PCOLCE2: variants seen among roughly 807,000 people sequenced by gnomAD.
The protein encoded by PCOLCE2 is procollagen C-endopeptidase enhancer 2, also known as procollagen C-proteinase enhancer 2.
A neutral mutation model predicts 47.0 loss-of-function variants in PCOLCE2; 42 were observed. The ratio of observed to expected loss-of-function variants is 0.89; its 90% CI spans 0.70 to 1.16. The LOEUF is 1.16. Ranked by LOEUF, PCOLCE2 falls within the 50% of genes most tolerant of loss-of-function variation. PCOLCE2 has a pLI of 0.00. For synonymous variants in PCOLCE2, 169 were observed against 191.7 expected (o/e 0.88, Z 0.98); for missense variants, 500 against 526.1 (o/e 0.95, Z 0.49).
chr3:142,876,276 ATT>A lies in PCOLCE2; in HGVS notation c.192+11391_192+11392del, dbSNP rs764534678. Among the ~76,000 whole-genome samples, 3 of 152,336 alleles carry A rather than the reference ATT, an allele frequency of 2.0e-5. No individual in the cohort carries two copies. In the South Asian group the frequency reaches 6.2e-4, roughly 32 times the overall value. Reference sequence around the variant, plus strand: ...GTATAATATTTCATGAAGAAATAATATTTTTTGAGTATTTACCATTTGCTAGG... The same window carrying A: ...GTATAATATTTCATGAAGAAATAATATTTTGAGTATTTACCATTTGCTAGG... On this transcript the variant is annotated intron_variant, in intron 2 of 8. Coordinates refer to ENST00000295992, the MANE Select transcript of PCOLCE2 (RefSeq NM_013363.4).
At chr3:142,864,900 C>T (rs1477785195) in intron 2 of PCOLCE2, among the ~76,000 whole-genome samples, 1 of 152,170 alleles carries the variant, frequency 6.6e-6, no homozygotes, top group Non-Finnish European at 1.5e-5. Flanking sequence ...TCCATTTACC[C>T]TGTTGATGGG....
intron 2 of PCOLCE2, among the ~76,000 whole-genome samples, chr3:142,852,969 G>A (rs1932980245): frequency 6.6e-6 from 1 of 151,466 alleles, no homozygotes; most frequent in Admixed American, 6.6e-5. Flanking sequence ...AGCTGGATGT[G>A]GTGGTGCATG....
intron 4 of PCOLCE2, among the ~76,000 whole-genome samples, chr3:142,841,641 G>C (rs1937264976): frequency 6.6e-6 from 1 of 151,938 alleles, no homozygotes. Context: ...ATAAAACCAA[G>C]TTTTGGAATT....
At chr3:142,821,720 T>A (rs548117669) in intron 7 of PCOLCE2, among the ~76,000 whole-genome samples, 10 of 151,996 alleles carry the variant, frequency 6.6e-5, no homozygotes, top group Admixed American at 5.9e-4. Context: ...AAAAAACCTC[T>A]AGTAAAATTC....
chr3:142,834,302 T>C (rs946677674), intron 5 of PCOLCE2, among the ~76,000 whole-genome samples: 1 of 152,236 alleles, frequency 6.6e-6, no homozygotes, highest in Non-Finnish European at 1.5e-5. Flanking sequence ...TGCAATCCCA[T>C]GCACATTTTA....
chr3:142,881,567 C>T (rs1033311333), intron 2 of PCOLCE2, among the ~76,000 whole-genome samples: 19 of 152,114 alleles, frequency 1.2e-4, no homozygotes, highest in Admixed American at 7.9e-4. Flanking sequence ...CACCACACAC[C>T]TAGGCTATAT....
intron 2 of PCOLCE2, among the ~76,000 whole-genome samples, chr3:142,863,602 G>A (rs530411520): frequency 5.3e-5 from 8 of 152,126 alleles, no homozygotes; most frequent in Non-Finnish European, 8.8e-5. Flanking sequence ...CTCAAATAGC[G>A]CGTAAGAGAG....
intron 1 of PCOLCE2, 80 bp downstream of exon 1, chr3:142,888,734 T>G: frequency 8.3e-6 from 7 of 845,520 alleles, no homozygotes; most frequent in Non-Finnish European, 1.2e-5. Flanking sequence ...CCGAAGCGGG[T>G]TGAGTAAAGC....
chr3:142,841,125 A>T lies in PCOLCE2; in HGVS notation c.573+1799T>A, dbSNP rs79548779. On this transcript the variant is annotated intron_variant, in intron 4 of 8. Coordinates refer to ENST00000295992, the MANE Select transcript of PCOLCE2 (RefSeq NM_013363.4). ...CACAAAAACTTTTGCAGAGAAGATT[A>T]AAAAAAGTAAAGAAGAAGATAAAGG... is the stretch of plus-strand genomic sequence containing the variant. Among the ~76,000 whole-genome samples, 767 of 152,092 alleles carry T rather than the reference A, an allele frequency of 5.0e-3. 11 individuals are homozygous for T. Among genetic ancestry groups the T allele is most frequent in the African/African-American group, 0.017 (719 of 41,510 alleles).
At chr3:142,835,080 G>C (rs1049363878) in intron 5 of PCOLCE2, among the ~76,000 whole-genome samples, 6 of 149,954 alleles carry the variant, frequency 4.0e-5, no homozygotes, top group Non-Finnish European at 7.4e-5. Flanking sequence ...TTGTCTATTA[G>C]ACCAAGCCTG....
chr3:142,863,508 T>C (rs1055838602), intron 2 of PCOLCE2, among the ~76,000 whole-genome samples: 2 of 152,260 alleles, frequency 1.3e-5, no homozygotes, highest in South Asian at 2.1e-4. Flanking sequence ...AGATGGGACA[T>C]GGAAAAACTT....
intron 2 of PCOLCE2, among the ~76,000 whole-genome samples, chr3:142,853,639 C>T (rs550197925): frequency 1.2e-4 from 18 of 152,312 alleles, no homozygotes; most frequent in Admixed American, 1.2e-3. Flanking sequence ...TCCTACCTTG[C>T]CTGGCAGCAG....
In PCOLCE2 at chr3:142,870,557, G is replaced by A. The variant is rs544688758; in HGVS notation, c.192+17112C>T. Among the ~76,000 whole-genome samples the A allele has an allele frequency of 5.3e-5, 8 of 152,164 alleles. No individual in the cohort carries two copies. The East Asian group carries it at 7.7e-4, about 15-fold the overall frequency. On this transcript the variant is annotated intron_variant, in intron 2 of 8. Coordinates refer to ENST00000295992, the MANE Select transcript of PCOLCE2 (RefSeq NM_013363.4). ...CAGTTCAACCTCAACAGATTCTGACGCCTTATTTTCAATGTAAAATTGTGG... is the reference window on the plus strand; with the variant it reads ...CAGTTCAACCTCAACAGATTCTGACACCTTATTTTCAATGTAAAATTGTGG...
At chr3:142,850,242 G>A (rs1030770099) in intron 2 of PCOLCE2, among the ~76,000 whole-genome samples, 1 of 152,158 alleles carries the variant, frequency 6.6e-6, no homozygotes, top group Non-Finnish European at 1.5e-5. Flanking sequence ...TGCCACATCT[G>A]TAATCTTAAA....
At chr3:142,831,448 A>C (rs1173259449) in intron 5 of PCOLCE2, among the ~76,000 whole-genome samples, 2 of 152,218 alleles carry the variant, frequency 1.3e-5, no homozygotes, top group Non-Finnish European at 2.9e-5. Context: ...CTCCGTAACT[A>C]TAAGAAATTC....
At chr3:142,879,903 A>G (rs574704220) in intron 2 of PCOLCE2, among the ~76,000 whole-genome samples, 65 of 150,084 alleles carry the variant, frequency 4.3e-4, no homozygotes, top group Non-Finnish European at 8.1e-4. Context: ...CCCAGGAGGC[A>G]GAGCTTGCAG....
chr3:142,882,131 G>A (rs1310727905), intron 2 of PCOLCE2, among the ~76,000 whole-genome samples: 1 of 151,666 alleles, frequency 6.6e-6, no homozygotes, highest in Non-Finnish European at 1.5e-5. Context: ...CTGGGCTCAA[G>A]AGATCCTCTC....
chr3:142,882,441 T>A (rs1560143055), intron 2 of PCOLCE2, among the ~76,000 whole-genome samples: 1 of 152,346 alleles, frequency 6.6e-6, no homozygotes, highest in East Asian at 1.9e-4. Flanking sequence ...TTTCTCAGGC[T>A]AGATTTATGC....
Position 142,818,210 on chromosome 3 carries a change from C to A in PCOLCE2, c.*125G>T. On this transcript the variant is annotated 3_prime_UTR_variant, in exon 9 of 9. Coordinates refer to ENST00000295992, the MANE Select transcript of PCOLCE2 (RefSeq NM_013363.4). ...TACCTCCATCATGTGAAGAGTCAAC[C>A]AGTCCCATCTTTCGGAATCCTCTTT... The A allele has an allele frequency of 1.1e-6, 1 of 889,568 alleles. No individual in the cohort carries two copies. The highest frequency in any genetic ancestry group is 1.7e-6 in the Non-Finnish European group (1 of 577,782). 55.1% of individuals were successfully genotyped at this position (889,568 alleles called of 1,614,324 possible). A position where few individuals can be genotyped will look rare whatever the true frequency, so the allele number is the denominator to read the frequency against.
Sources: gnomAD v4.1 joint callset for allele counts (sites outside exome capture counted in the v4.1 genomes callset) on GRCh38, gnomAD v4.1.1 for gene constraint, MANE v1.5 for transcripts, NCBI Gene and HGNC (gene_info 2026-07-23, HGNC 2026-07-21) for gene names.